The following DNAH14 variants were observed in gnomAD, a reference collection of about 807,000 sequenced individuals.
The protein encoded by DNAH14 is dynein axonemal heavy chain 14, also known as axonemal beta dynein heavy chain 14.
DNAH14 carries 478 observed loss-of-function variants against 520.9 expected under a neutral mutation model. The ratio of observed to expected loss-of-function variants is 0.92; its 90% confidence interval spans 0.85 to 0.99. The LOEUF (loss-of-function observed/expected upper bound fraction) is 0.99, where lower values mean the gene tolerates loss of function less well. DNAH14 is among the 50% of genes least tolerant of loss of function. The pLI, the probability that DNAH14 is intolerant of heterozygous loss-of-function variation, is 0.00. For synonymous variants in DNAH14, 1,581 were observed against 1,757.2 expected, an observed-to-expected ratio of 0.90 and a Z score of 2.51; for missense variants, 4,831 against 5,234.5, an observed-to-expected ratio of 0.92 and a Z score of 2.38.
At chr1:225,337,996 C>CTTT in intron 67 of DNAH14, 65 bp from the exon 68 acceptor site, 3 of 1,294,752 alleles carry the variant, frequency 2.3e-6, no homozygotes, top group South Asian at 1.7e-5. Context: ...TTTATTGCTG[C>CTTT]TTTTTTTTTT....
At chr1:225,086,117 C>CTAA (rs1485123595) in intron 21 of DNAH14, among the ~76,000 whole-genome samples, 10 of 150,698 alleles carry the variant, frequency 6.6e-5, no homozygotes, top group African/African-American at 1.7e-4. Context: ...GGTAATACAC[C>CTAA]TAATAATAAT....
intron 35 of DNAH14, among the ~76,000 whole-genome samples, chr1:225,162,877 C>T (rs189546482): frequency 6.6e-6 from 1 of 152,162 alleles, no homozygotes; most frequent in Non-Finnish European, 1.5e-5. Flanking sequence ...TGGCTCACAC[C>T]TGTAATCCCA....
intron 22 of DNAH14, among the ~76,000 whole-genome samples, chr1:225,098,617 A>G (rs940033656): frequency 6.6e-6 from 1 of 152,224 alleles, no homozygotes; most frequent in Non-Finnish European, 1.5e-5. Context: ...TGTGTTATAC[A>G]TGTATATTTC....
intron 17 of DNAH14, among the ~76,000 whole-genome samples, chr1:225,056,707 A>G (rs1325796673): frequency 6.6e-6 from 1 of 152,130 alleles, no homozygotes; most frequent in Non-Finnish European, 1.5e-5. Context: ...TAATTTTTGT[A>G]TAAGGTGTAA....
Position 225,117,978 on chromosome 1 carries a change from G to T in DNAH14, c.4070G>T (p.Gly1357Val), listed in dbSNP as rs1213287490. 1 of 1,550,386 alleles carries T rather than the reference G, an allele frequency of 6.5e-7. No individual in the cohort carries two copies. Among genetic ancestry groups the T allele is most frequent in the Admixed American group, 2.0e-5 (1 of 50,996 alleles). The change falls in exon 25 of 86, where the codon GGG becomes GTG. Residue 1357 changes from glycine to valine, a missense_variant. Transcript: ENST00000682510. ...GTAAAAATGCTAATATCTGCTGAAG[G>T]GGAAGGTCTCGTGCTGCCAAAGTAT... The part of the protein sequence containing the change: ...PAVKMLISAE[G>V]EGLVLPKKIR...
intron 11 of DNAH14, among the ~76,000 whole-genome samples, chr1:225,030,698 C>T (rs550646616): frequency 6.6e-6 from 1 of 152,058 alleles, no homozygotes; most frequent in Admixed American, 6.6e-5. Context: ...ATTCATGAGT[C>T]TATTTCTGAA....
intron 55 of DNAH14, among the ~76,000 whole-genome samples, chr1:225,293,820 GT>G (rs79189946): frequency 0.027 from 4,118 of 150,994 alleles, 180 homozygotes; most frequent in African/African-American, 0.095. Context: ...TAAAATAAAA[GT>G]TTTTTTTTTA....
At chr1:225,197,407 T>G (rs2086291294) in intron 38 of DNAH14, among the ~76,000 whole-genome samples, 1 of 152,184 alleles carries the variant, frequency 6.6e-6, no homozygotes, top group South Asian at 2.1e-4. Flanking sequence ...TATGTGCCTA[T>G]TTTTATACCA....
Position 225,272,985 on chromosome 1 carries a change from A to G in DNAH14, c.7870A>G (p.Thr2624Ala), listed in dbSNP as rs1273435455. 6.5e-7 allele frequency: 1 copy of G among 1,547,022 alleles called. No individual in the cohort carries two copies. The highest frequency in any genetic ancestry group is 2.5e-5 in the East Asian group (1 of 40,814). Residue 2624 changes from threonine (T) to alanine (A), a missense_variant, in exon 52 of 86, where the codon ACT becomes GCT. By Grantham distance (58) the Thr-to-Ala change is moderately conservative. Coordinates refer to ENST00000682510, the MANE Select transcript of DNAH14 (RefSeq NM_001367479.1). ...LLLGLLQADRTVVNSKEMAAL... is the reference protein window; with the variant it reads ...LLLGLLQADRAVVNSKEMAAL... ...CCTAGGATTGCTGCAAGCTGACAGGACTGTTGTTAACTCCAAAGAGATGGC... is the reference window on the plus strand; with the variant it reads ...CCTAGGATTGCTGCAAGCTGACAGGGCTGTTGTTAACTCCAAAGAGATGGC...
intron 60 of DNAH14, 129 bp from the exon 61 acceptor site, chr1:225,318,454 A>G (rs920617294): frequency 6.2e-6 from 5 of 803,378 alleles, no homozygotes; most frequent in Non-Finnish European, 9.6e-6. Context: ...TATCTAAGTC[A>G]TAAAAGATGC....
intron 41 of DNAH14, among the ~76,000 whole-genome samples, chr1:225,228,454 A>G (rs2090762246): frequency 6.7e-6 from 1 of 149,986 alleles, no homozygotes; most frequent in Non-Finnish European, 1.5e-5. Flanking sequence ...GAGGTGAAAC[A>G]ACACCTCTGG....
At chr1:225,055,685 C>G (rs569567295) in intron 17 of DNAH14, among the ~76,000 whole-genome samples, 1 of 135,078 alleles carries the variant, frequency 7.4e-6, no homozygotes, top group South Asian at 2.7e-4. Flanking sequence ...ATCCCTCCCC[C>G]CTCCCCCACC....
At chr1:225,251,725 A>G (rs369580458) in intron 43 of DNAH14, among the ~76,000 whole-genome samples, 2 of 152,148 alleles carry the variant, frequency 1.3e-5, no homozygotes, top group South Asian at 4.1e-4. Context: ...TTAAAACACA[A>G]TAATAAGAAA....
intron 29 of DNAH14, among the ~76,000 whole-genome samples, chr1:225,144,958 C>T (rs948698208): frequency 4.7e-5 from 7 of 149,780 alleles, no homozygotes; most frequent in South Asian, 2.1e-4. Flanking sequence ...AAAGTGAGAC[C>T]GAAAGAGAGG....
At chr1:225,278,927 G>A (rs2149899392) in intron 54 of DNAH14, among the ~76,000 whole-genome samples, 2 of 152,220 alleles carry the variant, frequency 1.3e-5, no homozygotes, top group South Asian at 4.1e-4. Flanking sequence ...AAAATAGAAG[G>A]TAAAACATGG....
Position 225,144,404 on chromosome 1 carries a change from C to T in DNAH14, c.4516C>T (p.Gln1506Ter). Residue 1506 changes from glutamine (Q) to a stop codon, truncating the protein, a stop_gained, in exon 29 of 86, where the codon CAA (glutamine) becomes TAA (stop). Transcript: ENST00000682510. LOFTEE classifies it high-confidence loss of function. ...AEDFEWTRHL[Q>*]YKWNEKQKLC... ...TTAAAATTTGGCTTTCAGACATTTG[C>T]AATATAAATGGAATGAAAAACAAAA... 6.5e-7 allele frequency: 1 copy of T among 1,546,730 alleles called. No individual in the cohort carries two copies. Among genetic ancestry groups the T allele is most frequent in the Non-Finnish European group, 8.7e-7 (1 of 1,143,688 alleles).
intron 55 of DNAH14, among the ~76,000 whole-genome samples, chr1:225,299,676 C>T (rs2094098646): frequency 6.6e-6 from 1 of 152,166 alleles, no homozygotes; most frequent in South Asian, 2.1e-4. Context: ...GACATGGCTC[C>T]TCTGCTCTCA....
At chr1:225,143,695 T>G (rs909994346) in intron 28 of DNAH14, among the ~76,000 whole-genome samples, 8 of 152,034 alleles carry the variant, frequency 5.3e-5, no homozygotes, top group Non-Finnish European at 1.2e-4. Context: ...TAGGAATGAG[T>G]TTTTGCTTGA....
chr1:225,030,805 A>G (rs1327272410), intron 11 of DNAH14, among the ~76,000 whole-genome samples: 2 of 152,020 alleles, frequency 1.3e-5, no homozygotes, highest in African/African-American at 2.4e-5. Flanking sequence ...GAAATCAGGT[A>G]GTATGTATTC....
Sources: gnomAD v4.1 joint callset for allele counts (sites outside exome capture counted in the v4.1 genomes callset) on GRCh38, gnomAD v4.1.1 for gene constraint, MANE v1.5 for transcripts, NCBI Gene and HGNC (gene_info 2026-07-23, HGNC 2026-07-21) for gene names.